MYO3A: variants seen among roughly 807,000 people sequenced by gnomAD.
MYO3A encodes myosin-IIIa.
In MYO3A, 180 loss-of-function variants were observed where a neutral mutation model predicts 192.7. The ratio of observed to expected loss-of-function variants is 0.93; its 90% confidence interval spans 0.83 to 1.06. MYO3A has a LOEUF of 1.06. Among genes scored for constraint, MYO3A ranks in the 50% least tolerant of loss-of-function variants. The pLI is 0.00. For missense variants in MYO3A, 1,896 were observed against 1,905.0 expected, an observed-to-expected ratio of 1.00 and a Z score of 0.09; for synonymous variants, 628 against 645.3, an observed-to-expected ratio of 0.97 and a Z score of 0.41.
chr10:26,099,962 A>G (rs2131581752), intron 17 of MYO3A, among the ~76,000 whole-genome samples: 1 of 152,224 alleles, frequency 6.6e-6, no homozygotes, highest in Admixed American at 6.5e-5. Flanking sequence ...TTTTCTATTG[A>G]TAGGAATAAT....
At chr10:26,133,206 T>C (rs893524908) in intron 20 of MYO3A, among the ~76,000 whole-genome samples, 2 of 152,242 alleles carry the variant, frequency 1.3e-5, no homozygotes, top group African/African-American at 4.8e-5. Flanking sequence ...TGATAAGCAT[T>C]TCCTTTAAGT....
At chr10:26,082,304 C>A (rs1024331513) in intron 14 of MYO3A, among the ~76,000 whole-genome samples, 2 of 152,126 alleles carry the variant, frequency 1.3e-5, no homozygotes. Context: ...CTGTCACCTC[C>A]TTGGTTAAAT....
At chr10:26,008,321 G>A (rs974306023) in intron 6 of MYO3A, among the ~76,000 whole-genome samples, 1 of 148,316 alleles carries the variant, frequency 6.7e-6, no homozygotes. Flanking sequence ...ACATAGGCAT[G>A]GGCAAGGACT....
intron 3 of MYO3A, among the ~76,000 whole-genome samples, chr10:25,953,584 G>A (rs1230892141): frequency 1.3e-5 from 2 of 152,056 alleles, no homozygotes; most frequent in African/African-American, 4.8e-5. Flanking sequence ...GTGTGTGGCA[G>A]CAAGAGAAAG....
intron 15 of MYO3A, among the ~76,000 whole-genome samples, chr10:26,095,557 AG>A (rs1836966491): frequency 6.6e-6 from 1 of 152,198 alleles, no homozygotes; most frequent in Non-Finnish European, 1.5e-5. Flanking sequence ...TTCAGCAGAG[AG>A]CCTGAAAGTG....
At chr10:26,018,276 G>A (rs1842090266) in intron 7 of MYO3A, among the ~76,000 whole-genome samples, 1 of 151,782 alleles carries the variant, frequency 6.6e-6, no homozygotes, top group South Asian at 2.1e-4. Context: ...AGCTGTCATG[G>A]AAATACATGT....
intron 17 of MYO3A, among the ~76,000 whole-genome samples, chr10:26,114,379 C>T (rs935996589): frequency 2.1e-4 from 32 of 152,226 alleles, no homozygotes; most frequent in Non-Finnish European, 2.6e-4. Flanking sequence ...GTCTACCCTG[C>T]ATGGACTGTT....
intron 10 of MYO3A, among the ~76,000 whole-genome samples, chr10:26,064,253 A>T (rs991258242): frequency 5.3e-5 from 8 of 152,184 alleles, no homozygotes; most frequent in African/African-American, 1.9e-4. Context: ...AGCAAGAAAG[A>T]GCTTTACAGA....
intron 14 of MYO3A, among the ~76,000 whole-genome samples, chr10:26,087,315 G>T (rs1588930169): frequency 1.3e-5 from 2 of 152,048 alleles, no homozygotes; most frequent in African/African-American, 4.8e-5. Flanking sequence ...AAACTTCATT[G>T]TGAATGCCCC....
chr10:26,125,050 CA>C (rs952752327), intron 18 of MYO3A, among the ~76,000 whole-genome samples: 1 of 152,026 alleles, frequency 6.6e-6, no homozygotes, highest in Non-Finnish European at 1.5e-5. Flanking sequence ...CAAATTATGC[CA>C]AATCTATTCA....
intron 14 of MYO3A, among the ~76,000 whole-genome samples, chr10:26,081,862 G>A (rs967229849): frequency 1.3e-5 from 2 of 151,982 alleles, no homozygotes; most frequent in African/African-American, 4.8e-5. Context: ...ATGTGTGTTC[G>A]GGAGAGGAGG....
rs774711226 is a variant in MYO3A, at chr10:26,088,304, T to A, written c.1461T>A (p.Phe487Leu). ...CTIINDNSSR[F>L]GKYLEMKFTS... The stretch of plus-strand genomic sequence containing the variant: ...TTATAAATGACAATTCTAGCAGATT[T>A]GGAAAATACTTAGAAATGAAATTCA... The change falls in exon 15 of 35, where the codon TTT (phenylalanine) becomes TTA (leucine). Residue 487 changes from phenylalanine (F) to leucine (L), a missense_variant. Physicochemically the swap from Phe to Leu is conservative, Grantham distance 22. Transcript: ENST00000642920. The A allele has an allele frequency of 1.2e-6, 2 of 1,613,898 alleles. No individual in the cohort carries two copies. Among genetic ancestry groups the A allele is most frequent in the Non-Finnish European group, 1.7e-6 (2 of 1,179,832 alleles).
At chr10:25,951,779 A>G (rs1837222677) in intron 2 of MYO3A, among the ~76,000 whole-genome samples, 1 of 152,196 alleles carries the variant, frequency 6.6e-6, no homozygotes, top group African/African-American at 2.4e-5. Context: ...TTGTTGTGAT[A>G]CATGAGTATA....
Position 26,122,014 on chromosome 10 carries a change from T to A in MYO3A, c.1903+1212T>A, listed in dbSNP as rs138533196. 9.2e-5 allele frequency among the ~76,000 whole-genome samples: 14 copies of A among 152,170 alleles called. No homozygotes were observed. The East Asian group carries it at 2.7e-3, about 29-fold the overall frequency. On this transcript the variant is annotated intron_variant, in intron 18 of 34. Transcript: ENST00000642920. ...TGCCTGGAAACCTCAAGGAAACATG[T>A]TCTAATTTTCCATATTTAAAAATTT...
At chr10:26,191,267 AT>A (rs1843114154) in intron 31 of MYO3A, among the ~76,000 whole-genome samples, 3 of 152,216 alleles carry the variant, frequency 2.0e-5, no homozygotes, top group Admixed American at 2.0e-4. Context: ...AAGGAAAAAA[AT>A]AAAAGAACAC....
chr10:26,202,800 G>C, intron 33 of MYO3A, 164 bp from the exon 34 acceptor site: 1 of 723,854 alleles, frequency 1.4e-6, no homozygotes, highest in Non-Finnish European at 2.2e-6. Context: ...TTTACTTATG[G>C]GATACACTGT....
In MYO3A at chr10:26,107,889, G is replaced by A. The variant is rs1487409107; in HGVS notation, c.1776+11207G>A. On this transcript the variant is annotated intron_variant, in intron 17 of 34. Transcript: ENST00000642920. ...AATGTTTTCATTGTCTGTATTATTG[G>A]TTTTAATTTGATTTTTATATTTTTA... 2.0e-5 allele frequency among the ~76,000 whole-genome samples: 3 copies of A among 151,630 alleles called. No homozygotes were observed. In the South Asian group the frequency reaches 6.2e-4, roughly 32 times the overall value.
chr10:25,993,431 TTGA>T (rs199849026), intron 4 of MYO3A, among the ~76,000 whole-genome samples: 14,498 of 152,120 alleles, frequency 0.095, 1,217 homozygotes, highest in African/African-American at 0.22. Context: ...TAGTGGTCTA[TTGA>T]TGATTTTGTT....
chr10:26,067,647 C>T (rs1834934615), intron 11 of MYO3A, among the ~76,000 whole-genome samples: 1 of 150,888 alleles, frequency 6.6e-6, no homozygotes, highest in African/African-American at 2.4e-5. Flanking sequence ...CTGCTTGGAA[C>T]TCCTTATTCT....
Sources: allele counts gnomAD v4.1 joint callset (sites outside exome capture counted in the v4.1 genomes callset), GRCh38; gene constraint gnomAD v4.1.1; transcripts MANE v1.5; gene names NCBI Gene and HGNC (gene_info 2026-07-23, HGNC 2026-07-21).